Variants in SENP6 observed in about 807,000 individuals in gnomAD.
SENP6 encodes SUMO specific peptidase 6, also known as sentrin-specific protease 6.
Under a neutral mutation model 134.5 loss-of-function variants are expected in SENP6, and 41 were observed. The observed-to-expected ratio is 0.30, with a 90% CI of 0.24 to 0.40. The LOEUF is 0.40. Ranked by LOEUF, SENP6 falls within the 10% of genes least tolerant of loss-of-function variation. The probability of loss-of-function intolerance (pLI) is 1.00; values close to 1 mark genes in which losing one functional copy is unlikely to be tolerated. For synonymous variants in SENP6, 395 were observed against 429.8 expected, an observed-to-expected ratio of 0.92 and a Z score of 1.00; for missense variants, 1,248 against 1,312.5, an observed-to-expected ratio of 0.95 and a Z score of 0.76.
chr6:75,637,389 AG>A (rs1210230981), intron 5 of SENP6, among the ~76,000 whole-genome samples: 25 of 152,154 alleles, frequency 1.6e-4, no homozygotes, highest in African/African-American at 5.8e-4. Flanking sequence ...ATACCACATT[AG>A]ATTAGGTAGT....
chr6:75,622,288 T>G (rs771533771), intron 2 of SENP6, among the ~76,000 whole-genome samples: 2 of 152,242 alleles, frequency 1.3e-5, no homozygotes, highest in African/African-American at 2.4e-5. Context: ...CCGGGCACAG[T>G]GGCTCATGCC....
At chr6:75,688,296 T>A (rs1773992761) in intron 16 of SENP6, among the ~76,000 whole-genome samples, 1 of 152,200 alleles carries the variant, frequency 6.6e-6, no homozygotes. Context: ...CCAGGTAGTC[T>A]GTGAAGGCTT....
At chr6:75,708,885 C>A (rs1430162489) in intron 19 of SENP6, among the ~76,000 whole-genome samples, 2 of 151,996 alleles carry the variant, frequency 1.3e-5, no homozygotes, top group Non-Finnish European at 2.9e-5. Context: ...CAGAGCAAGA[C>A]CCCGTCTCAA....
chr6:75,645,844 T>C (rs75376264), intron 6 of SENP6, among the ~76,000 whole-genome samples: 208 of 152,326 alleles, frequency 1.4e-3, no homozygotes, highest in African/African-American at 4.8e-3. Context: ...ATAGCAAATA[T>C]TGAAAACAGT....
intron 7 of SENP6, among the ~76,000 whole-genome samples, chr6:75,658,246 A>G (rs1166920020): frequency 6.6e-6 from 1 of 152,156 alleles, no homozygotes; most frequent in African/African-American, 2.4e-5. Flanking sequence ...GGTGATGATC[A>G]CTTAGTGAAA....
intron 10 of SENP6, 147 bp downstream of exon 10, chr6:75,667,088 G>A: frequency 2.1e-6 from 1 of 466,250 alleles, no homozygotes; most frequent in Non-Finnish European, 3.9e-6. Context: ...TTATTTGGAA[G>A]AACATTAAGC....
At chr6:75,612,433 G>A (rs1181222013) in intron 1 of SENP6, among the ~76,000 whole-genome samples, 1 of 152,166 alleles carries the variant, frequency 6.6e-6, no homozygotes, top group Non-Finnish European at 1.5e-5. Flanking sequence ...CTGGGCTCAA[G>A]GGATCCTCCT....
chr6:75,653,930 A>T (rs923076903), intron 7 of SENP6, among the ~76,000 whole-genome samples: 1 of 152,200 alleles, frequency 6.6e-6, no homozygotes, highest in African/African-American at 2.4e-5. Flanking sequence ...AAATCTTCAC[A>T]CACAAAGATG....
At position 75,678,850 on chromosome 6, in the gene SENP6, C is replaced by G; in HGVS notation, c.1998C>G (p.Ile666Met). 6.2e-7 allele frequency: 1 copy of G among 1,608,618 alleles called. No individual in the cohort carries two copies. Among genetic ancestry groups the G allele is most frequent in the Non-Finnish European group, 8.5e-7 (1 of 1,175,980 alleles). Reference sequence around the variant, plus strand: ...CACCACCTCCAGCTAAGGGAGGCATCTCTGTTACCAATGAGGACCTGCACT... The same window carrying G: ...CACCACCTCCAGCTAAGGGAGGCATGTCTGTTACCAATGAGGACCTGCACT... Reference protein sequence around the residue: ...VYPPPPAKGGISVTNEDLHCL... With the variant: ...VYPPPPAKGGMSVTNEDLHCL... Residue 666 changes from isoleucine to methionine, a missense_variant, in exon 16 of 24, where the codon ATC (isoleucine) becomes ATG (methionine). By Grantham distance (10) the Ile-to-Met change is conservative (BLOSUM62 1). This residue lies in a region of SENP6 where 129 missense variants were observed against 192.0 expected (regional missense o/e 0.67). Transcript: ENST00000447266.
chr6:75,679,649 G>T (rs1249140932), intron 16 of SENP6: 1 of 152,172 alleles, frequency 6.6e-6, no homozygotes, highest in Non-Finnish European at 1.5e-5. Flanking sequence ...CTTACATTAT[G>T]ACCCAATATA....
chr6:75,604,359 G>C (rs986614444), intron 1 of SENP6, among the ~76,000 whole-genome samples: 2 of 152,204 alleles, frequency 1.3e-5, no homozygotes, highest in African/African-American at 2.4e-5. Flanking sequence ...GGGCACGGTG[G>C]CGGCACGCCC....
At chr6:75,689,292 A>T (rs749154810) in intron 16 of SENP6, among the ~76,000 whole-genome samples, 2 of 152,192 alleles carry the variant, frequency 1.3e-5, no homozygotes, top group African/African-American at 2.4e-5. Context: ...TTTTTAAGTG[A>T]TCCATACAAG....
chr6:75,662,155 T>C (rs1771828498), intron 8 of SENP6, among the ~76,000 whole-genome samples: 2 of 152,342 alleles, frequency 1.3e-5, no homozygotes, highest in South Asian at 4.1e-4. Flanking sequence ...AAAGACAGAC[T>C]TATTAAGTGC....
intron 1 of SENP6, among the ~76,000 whole-genome samples, chr6:75,615,961 T>G (rs1251797214): frequency 6.6e-6 from 1 of 152,192 alleles, no homozygotes; most frequent in East Asian, 1.9e-4. Flanking sequence ...GGTTTTTGCT[T>G]TCTTTGGTCA....
Position 75,634,805 on chromosome 6 carries a change from C to T in SENP6, c.452C>T (p.Ala151Val). Residue 151 changes from alanine to valine, a missense_variant, in exon 5 of 24, where the codon GCC becomes GTC. Coordinates refer to ENST00000447266, the MANE Select transcript of SENP6 (RefSeq NM_015571.4). The part of the protein sequence containing the change: ...HAQIPVVKTA[A>V]QSSLDRKERK... ...CAGATACCAGTAGTAAAAACAGCAG[C>T]CCAAAGGTAAGAATTCTAATTGTCT... The T allele has an allele frequency of 6.3e-7, 1 of 1,587,484 alleles. No homozygotes were observed. Among genetic ancestry groups the T allele is most frequent in the Non-Finnish European group, 8.6e-7 (1 of 1,165,636 alleles).
chr6:75,636,311 A>G (rs551134973), intron 5 of SENP6, among the ~76,000 whole-genome samples: 2 of 152,330 alleles, frequency 1.3e-5, no homozygotes, highest in South Asian at 2.1e-4. Flanking sequence ...TCAGCAGGAC[A>G]GATTCTACTT....
chr6:75,624,265 G>A (rs1179350680), intron 3 of SENP6, among the ~76,000 whole-genome samples: 4 of 152,066 alleles, frequency 2.6e-5, no homozygotes, highest in African/African-American at 4.8e-5. Context: ...GCACCTCATT[G>A]TTTTCAGTGA....
At chr6:75,610,232 T>G (rs937620149) in intron 1 of SENP6, among the ~76,000 whole-genome samples, 1 of 152,224 alleles carries the variant, frequency 6.6e-6, no homozygotes, top group Non-Finnish European at 1.5e-5. Flanking sequence ...GGTCTTGCTC[T>G]CATTTTCATT....
At chr6:75,632,613 A>C (rs1212233966) in intron 3 of SENP6, among the ~76,000 whole-genome samples, 1 of 152,192 alleles carries the variant, frequency 6.6e-6, no homozygotes, top group Non-Finnish European at 1.5e-5. Context: ...TTTTCTAGTC[A>C]TTTGATCTCT....
Sources: gnomAD v4.1 joint callset for allele counts (sites outside exome capture counted in the v4.1 genomes callset) on GRCh38, gnomAD v4.1.1 for gene constraint, gnomAD v4.1.1 regional missense constraint, MANE v1.5 for transcripts, NCBI Gene and HGNC (gene_info 2026-07-23, HGNC 2026-07-21) for gene names.